The following NOP53 variants were observed in gnomAD, a reference collection of about 807,000 sequenced individuals.
NOP53 encodes the protein ribosome biogenesis protein NOP53.
A neutral mutation model predicts 61.0 loss-of-function variants in NOP53; 40 were observed. The observed-to-expected ratio is 0.66, with a 90% CI of 0.51 to 0.85. The LOEUF is 0.85. NOP53 is among the 40% of genes least tolerant of loss of function. The probability of loss-of-function intolerance (pLI) is 0.00; values close to 1 mark genes in which losing one functional copy is unlikely to be tolerated. For missense variants in NOP53, 689 were observed against 652.9 expected, an observed-to-expected ratio of 1.06 and a Z score of -0.60; for synonymous variants, 308 against 289.5, an observed-to-expected ratio of 1.06 and a Z score of -0.65.
intron 2 of NOP53, among the ~76,000 whole-genome samples, chr19:47,749,127 C>T (rs899873986): frequency 2.0e-5 from 3 of 151,694 alleles, no homozygotes; most frequent in African/African-American, 7.3e-5. Context: ...CATCATTGCA[C>T]TCCGCTCCAG....
In NOP53 at chr19:47,754,879, T is replaced by C; in HGVS notation, c.1041T>C (p.Ala347=). The C allele has an allele frequency of 6.6e-7, 1 of 1,515,216 alleles. No individual in the cohort carries two copies. Among genetic ancestry groups the C allele is most frequent in the Non-Finnish European group, 8.8e-7 (1 of 1,142,428 alleles). 93.9% of individuals were successfully genotyped at this position (1,515,216 alleles called of 1,614,324 possible). ...AGCAGCAGCGGCGGCGGGAGAAGGC[T>C]GTGCACAGGCTGGTGAGCGCCTGGG... The part of the protein sequence containing the change: ...KTEQQRRREK[A]VHRLRVQQAA... Residue 347 remains alanine (A), a synonymous_variant, in exon 8 of 13, where the codon GCT becomes GCC. Coordinates refer to ENST00000246802, the MANE Select transcript of NOP53 (RefSeq NM_015710.5). The surrounding 1 kb of genome is among the most constrained non-coding windows in gnomAD (Gnocchi z 4.2).
chr19:47,755,705 G>A (rs1432991437), intron 9 of NOP53, 51 bp from the exon 10 acceptor site: 2 of 1,518,506 alleles, frequency 1.3e-6, no homozygotes, highest in African/African-American at 1.4e-5. Flanking sequence ...TGGACTGGGT[G>A]TCCTGGGCCC....
chr19:47,754,784 G>C lies in NOP53; in HGVS notation c.946G>C (p.Gly316Arg). The C allele has an allele frequency of 6.6e-7, 1 of 1,525,768 alleles. No homozygotes were observed. The highest frequency in any genetic ancestry group is 8.8e-7 in the Non-Finnish European group (1 of 1,135,890). 94.5% of individuals were successfully genotyped at this position (1,525,768 alleles called of 1,614,324 possible). Reference sequence around the variant, plus strand: ...TGAGGGGGAGCCAGGCCAGGGCGAGGGGCCGGAGGCTGGGGATGCCGAGGT... The same window carrying C: ...TGAGGGGGAGCCAGGCCAGGGCGAGCGGCCGGAGGCTGGGGATGCCGAGGT... ...DGEGEPGQGE[G>R]PEAGDAEVCP... is the part of the protein sequence containing the mutation. The change falls in exon 8 of 13, where the codon GGG becomes CGG. Residue 316 changes from glycine to arginine, a missense_variant. Physicochemically the swap from Gly to Arg is moderately radical, Grantham distance 125. Transcript: ENST00000246802. The surrounding 1 kb of genome is among the most constrained non-coding windows in gnomAD (Gnocchi z 4.2).
intron 12 of NOP53, 43 bp from the exon 13 acceptor site, chr19:47,756,956 G>C: frequency 1.9e-6 from 3 of 1,613,544 alleles, no homozygotes; most frequent in Non-Finnish European, 2.5e-6. Context: ...GGGGGTATGG[G>C]GCACCCTCTC....
intron 3 of NOP53, 27 bp downstream of exon 3, chr19:47,750,313 T>G: frequency 1.4e-6 from 2 of 1,380,148 alleles, no homozygotes; most frequent in Non-Finnish European, 2.1e-6. Context: ...CCCTGGGCCC[T>G]TCTTTCCCAC....
intron 1 of NOP53, chr19:47,746,166 A>G (rs1341834943): frequency 1.2e-4 from 21 of 181,016 alleles, no homozygotes; most frequent in East Asian, 1.6e-4. Context: ...ATATATGTGT[A>G]TATGTGTGTG....
intron 12 of NOP53, 66 bp downstream of exon 12, chr19:47,756,810 C>T (rs1967207198): frequency 1.3e-6 from 2 of 1,561,292 alleles, no homozygotes; most frequent in African/African-American, 1.4e-5. Context: ...CCCACCGAGT[C>T]CCAGGGCCCC....
In NOP53 at chr19:47,746,191, T is replaced by C. The variant is rs149739811; in HGVS notation, c.224+408T>C. Reference sequence around the variant, plus strand: ...ATATGTGTGTGTGTATATATATGTATATATATATGTTTTTCAGACGGAGTC... The same window carrying C: ...ATATGTGTGTGTGTATATATATGTACATATATATGTTTTTCAGACGGAGTC... On this transcript the variant is annotated intron_variant, in intron 1 of 12. Coordinates refer to ENST00000246802, the MANE Select transcript of NOP53 (RefSeq NM_015710.5). 151 of 157,644 alleles carry C rather than the reference T, an allele frequency of 9.6e-4. 5 individuals carry two copies. The East Asian group carries it at 0.026, about 28-fold the overall frequency. The allele number at this position is 157,644 out of a possible 1,614,324, so 9.8% of individuals were successfully genotyped here. A position where few individuals can be genotyped will look rare whatever the true frequency, so the allele number is the denominator to read the frequency against.
chr19:47,748,046 C>T (rs1038639885), intron 2 of NOP53, among the ~76,000 whole-genome samples: 2 of 151,984 alleles, frequency 1.3e-5, no homozygotes, highest in Admixed American at 1.3e-4. Context: ...TCCCAAAGTG[C>T]TGGGATTACA....
Position 47,750,983 on chromosome 19 carries a change from G to C in NOP53, c.474G>C (p.Gln158His), listed in dbSNP as rs769839944. The change falls in exon 4 of 13, where the codon CAG becomes CAC. Residue 158 changes from glutamine (Q) to histidine (H), a missense_variant. Coordinates refer to ENST00000246802, the MANE Select transcript of NOP53 (RefSeq NM_015710.5). Reference protein sequence around the residue: ...KEQLWEKLAKQGELPREVRRA... With the variant: ...KEQLWEKLAKHGELPREVRRA... ...AGCTATGGGAGAAGCTGGCCAAGCA[G>C]GGCGAGCTGCCCCGGGAGGTGCGCA... 1 of 1,596,946 alleles carries C rather than the reference G, an allele frequency of 6.3e-7. No individual in the cohort carries two copies.
rs1599922573 is a variant in NOP53, at chr19:47,756,947, G to C, written c.1431-52G>C. On this transcript the variant is annotated intron_variant, in intron 12 of 12. Coordinates refer to ENST00000246802, the MANE Select transcript of NOP53 (RefSeq NM_015710.5). The stretch of plus-strand genomic sequence containing the variant: ...AAGGCAGGGGGTGTCAGGTCGGCAG[G>C]GGGTATGGGGCACCCTCTCACCCAC... 4.3e-6 allele frequency: 7 copies of C among 1,612,344 alleles called. No individual in the cohort carries two copies. In the East Asian group the frequency reaches 8.9e-5, roughly 21 times the overall value.
In NOP53 at chr19:47,745,782, G is replaced by A. The variant is rs761356503; in HGVS notation, c.223G>A (p.Gly75Ser). The A allele has an allele frequency of 2.6e-6, 4 of 1,536,062 alleles. No individual in the cohort carries two copies. Among genetic ancestry groups the A allele is most frequent in the African/African-American group, 2.8e-5 (2 of 72,044 alleles). The change falls in exon 1 of 13, where the codon GGT (glycine) becomes AGT (serine). Residue 75 changes from glycine (G) to serine (S), a missense_variant and splice_region_variant. Coordinates refer to ENST00000246802, the MANE Select transcript of NOP53 (RefSeq NM_015710.5). ...EDVRLQERTS[G>S]GLLSEAPNEK... Reference sequence around the variant, plus strand: ...CGTGCGGCTACAGGAGCGCACGAGCGGGTACGTTGGGCGGGACTTCCGGGA... The same window carrying A: ...CGTGCGGCTACAGGAGCGCACGAGCAGGTACGTTGGGCGGGACTTCCGGGA...
chr19:47,749,255 G>A (rs1047068847), intron 2 of NOP53, among the ~76,000 whole-genome samples: 5 of 152,164 alleles, frequency 3.3e-5, no homozygotes, highest in African/African-American at 1.2e-4. Flanking sequence ...TCAGTGACCT[G>A]CCCGTAATGA....
At chr19:47,747,457 G>T (rs11671367) in intron 2 of NOP53, among the ~76,000 whole-genome samples, 111,936 of 151,788 alleles carry the variant, frequency 0.74, 41,719 homozygotes, top group African/African-American at 0.84. Flanking sequence ...GCCTGGCCAA[G>T]ATGGTGAAAC....
intron 4 of NOP53, 188 bp downstream of exon 4, chr19:47,751,295 T>C (rs976949247): frequency 4.5e-6 from 3 of 662,128 alleles, no homozygotes; most frequent in Non-Finnish European, 7.8e-6. Flanking sequence ...TCCTGAGTTG[T>C]GAGGCTTCAG....
intron 4 of NOP53, 51 bp downstream of exon 4, chr19:47,751,158 G>A (rs768272020): frequency 1.2e-5 from 18 of 1,484,456 alleles, no homozygotes; most frequent in Non-Finnish European, 1.6e-5. Flanking sequence ...GCCATGTGCA[G>A]TTTGTGTGTG....
intron 2 of NOP53, among the ~76,000 whole-genome samples, chr19:47,749,267 C>A (rs887134233): frequency 2.0e-5 from 3 of 152,028 alleles, no homozygotes; most frequent in Non-Finnish European, 4.4e-5. Context: ...CCGTAATGAA[C>A]AGATGGGAAA....
intron 1 of NOP53, 116 bp from the exon 2 acceptor site, chr19:47,746,851 C>A: frequency 1.2e-6 from 1 of 824,392 alleles, no homozygotes; most frequent in African/African-American, 1.7e-5. Flanking sequence ...AAGCCTTAGC[C>A]TGGAAGAGTC....
intron 6 of NOP53, 110 bp downstream of exon 6, chr19:47,752,717 C>T: frequency 1.4e-6 from 1 of 715,632 alleles, no homozygotes. Flanking sequence ...CAGCCCTGGG[C>T]CTGTCCGCAA....
Sources: allele counts gnomAD v4.1 joint callset (sites outside exome capture counted in the v4.1 genomes callset), GRCh38; gene constraint gnomAD v4.1.1; non-coding constraint Gnocchi (gnomAD v3.1); transcripts MANE v1.5; gene names NCBI Gene and HGNC (gene_info 2026-07-23, HGNC 2026-07-21).